CSMD1: variants seen among roughly 807,000 people sequenced by gnomAD.
CSMD1 encodes the protein CUB and Sushi multiple domains 1, also known as CUB and sushi domain-containing protein 1.
CSMD1 carries 213 observed loss-of-function variants against 417.5 expected under a neutral mutation model. That is an observed-to-expected ratio of 0.51 (90% CI 0.46 to 0.57). The LOEUF is 0.57. Among genes scored for constraint, CSMD1 ranks in the 20% least tolerant of loss-of-function variants. The pLI is 0.00. For missense variants in CSMD1, 6,923 were observed against 4,529.7 expected, an observed-to-expected ratio of 1.53 and a Z score of -15.17; for synonymous variants, 2,862 against 1,736.8, an observed-to-expected ratio of 1.65 and a Z score of -16.11.
intron 7 of CSMD1, among the ~76,000 whole-genome samples, chr8:3,646,784 T>A (rs767562587): frequency 2.0e-5 from 3 of 152,104 alleles, no homozygotes; most frequent in Non-Finnish European, 2.9e-5. Flanking sequence ...GGGGCATCCG[T>A]CCTTCCTCAT....
intron 3 of CSMD1, among the ~76,000 whole-genome samples, chr8:4,257,097 C>T (rs1281296757): frequency 6.6e-6 from 1 of 152,148 alleles, no homozygotes; most frequent in Non-Finnish European, 1.5e-5. Context: ...TTTAATACCA[C>T]ACTCGCCATA....
chr8:3,540,738 C>G (rs1036724308), intron 10 of CSMD1, among the ~76,000 whole-genome samples: 1 of 152,138 alleles, frequency 6.6e-6, no homozygotes, highest in Non-Finnish European at 1.5e-5. Flanking sequence ...TGAACAGACA[C>G]TTCTCAAAAG....
At chr8:4,218,509 A>G (rs1800825265) in intron 3 of CSMD1, among the ~76,000 whole-genome samples, 1 of 152,206 alleles carries the variant, frequency 6.6e-6, no homozygotes, top group Non-Finnish European at 1.5e-5. Flanking sequence ...AATAAATAAT[A>G]TTTGCATTTA....
chr8:4,405,507 G>A (rs927518141), intron 3 of CSMD1, among the ~76,000 whole-genome samples: 1 of 152,014 alleles, frequency 6.6e-6, no homozygotes. Flanking sequence ...GCAACACCCA[G>A]CACAGCGGCT....
chr8:3,931,658 T>C (rs1043476587), intron 5 of CSMD1, among the ~76,000 whole-genome samples: 2 of 149,592 alleles, frequency 1.3e-5, no homozygotes, highest in African/African-American at 2.5e-5. Flanking sequence ...TCACCTTGTA[T>C]AGTTCTAAAA....
intron 3 of CSMD1, among the ~76,000 whole-genome samples, chr8:4,407,176 G>T (rs1035224031): frequency 6.6e-6 from 1 of 152,166 alleles, no homozygotes; most frequent in East Asian, 1.9e-4. Flanking sequence ...CTTTACCAAA[G>T]AAGTTTGCCA....
At chr8:4,934,799 A>G (rs753512872) in intron 1 of CSMD1, among the ~76,000 whole-genome samples, 2 of 152,056 alleles carry the variant, frequency 1.3e-5, no homozygotes, top group African/African-American at 4.8e-5. Flanking sequence ...TCTATTATCT[A>G]TAAACCTACC....
At chr8:3,212,627 T>A (rs1238154996) in intron 30 of CSMD1, among the ~76,000 whole-genome samples, 1 of 152,122 alleles carries the variant, frequency 6.6e-6, no homozygotes, top group African/African-American at 2.4e-5. Flanking sequence ...GTGTTGGGAT[T>A]ACAGGTGTGA....
At chr8:3,701,609 A>G (rs1286393776) in intron 7 of CSMD1, among the ~76,000 whole-genome samples, 1 of 152,160 alleles carries the variant, frequency 6.6e-6, no homozygotes, top group Admixed American at 6.5e-5. Context: ...TAAGACAACT[A>G]AAACTACGAA....
intron 1 of CSMD1, among the ~76,000 whole-genome samples, chr8:4,894,787 A>C (rs1214953773): frequency 6.6e-6 from 1 of 151,746 alleles, no homozygotes; most frequent in Non-Finnish European, 1.5e-5. Flanking sequence ...TCTGACTTTT[A>C]ATTTTATTTC....
chr8:4,419,839 C>T (rs913182304), intron 3 of CSMD1, 114 bp downstream of exon 3: 7 of 696,300 alleles, frequency 1.0e-5, no homozygotes, highest in African/African-American at 5.3e-5. Context: ...CAAATGTCTA[C>T]ACCACGGAAC....
intron 8 of CSMD1, among the ~76,000 whole-genome samples, chr8:3,615,158 A>G (rs1802074347): frequency 6.6e-6 from 1 of 152,130 alleles, no homozygotes; most frequent in Non-Finnish European, 1.5e-5. Context: ...CACTCACTGC[A>G]TTGCTAATAA....
intron 12 of CSMD1, among the ~76,000 whole-genome samples, chr8:3,439,861 T>C (rs187401982): frequency 5.9e-5 from 9 of 152,330 alleles, no homozygotes; most frequent in African/African-American, 1.9e-4. Flanking sequence ...TGGAGGCACA[T>C]TTTTGGCCTA....
chr8:3,362,553 G>A (rs1220121551), intron 20 of CSMD1, among the ~76,000 whole-genome samples: 1 of 152,184 alleles, frequency 6.6e-6, no homozygotes, highest in Admixed American at 6.5e-5. Context: ...GCTGCCCCAT[G>A]TGTTGAAATT....
At chr8:4,941,712 C>T (rs1462038927) in intron 1 of CSMD1, among the ~76,000 whole-genome samples, 1 of 152,142 alleles carries the variant, frequency 6.6e-6, no homozygotes, top group Non-Finnish European at 1.5e-5. Flanking sequence ...AATTCTCTCG[C>T]CTCAACCTCC....
chr8:4,450,804 CGA>C (rs1490567016), intron 2 of CSMD1, among the ~76,000 whole-genome samples: 1 of 152,044 alleles, frequency 6.6e-6, no homozygotes, highest in African/African-American at 2.4e-5. Context: ...CTTTCATTTA[CGA>C]GAGGCATAAA....
chr8:4,791,206 G>T (rs953162878), intron 1 of CSMD1, among the ~76,000 whole-genome samples: 1 of 151,960 alleles, frequency 6.6e-6, no homozygotes, highest in Non-Finnish European at 1.5e-5. Flanking sequence ...GAGGAGAGGT[G>T]CGTGGAAGAA....
At chr8:3,825,836 T>G (rs1339221872) in intron 5 of CSMD1, among the ~76,000 whole-genome samples, 1 of 152,190 alleles carries the variant, frequency 6.6e-6, no homozygotes, top group African/African-American at 2.4e-5. Context: ...CATTTAAATA[T>G]GAAATAGACA....
intron 5 of CSMD1, among the ~76,000 whole-genome samples, chr8:3,992,237 AAAC>A (rs1814810719): frequency 6.6e-6 from 1 of 152,040 alleles, no homozygotes; most frequent in Non-Finnish European, 1.5e-5. Context: ...CACTTCTAAA[AAAC>A]AACACTTCTA....
Sources: allele counts gnomAD v4.1 joint callset (sites outside exome capture counted in the v4.1 genomes callset), GRCh38; gene constraint gnomAD v4.1.1; transcripts MANE v1.5; gene names NCBI Gene and HGNC (gene_info 2026-07-23, HGNC 2026-07-21).